The following MRTFB variants were observed in gnomAD, a reference collection of about 807,000 sequenced individuals.
MRTFB encodes the protein myocardin related transcription factor B, also known as myocardin-related transcription factor B.
MRTFB carries 29 observed loss-of-function variants against 104.2 expected under a neutral mutation model. That is an observed-to-expected ratio of 0.28 (90% CI 0.21 to 0.38). The LOEUF is 0.38. MRTFB is among the 10% of genes least tolerant of loss of function. The pLI is 1.00. For missense variants in MRTFB, 1,270 were observed against 1,341.6 expected (o/e 0.95, Z 0.83); for synonymous variants, 535 against 519.5 (o/e 1.03, Z -0.41).
intron 2 of MRTFB, among the ~76,000 whole-genome samples, chr16:14,084,999 G>A (rs2034613354): frequency 6.6e-6 from 1 of 152,032 alleles, no homozygotes; most frequent in Non-Finnish European, 1.5e-5. Flanking sequence ...ATTAAAATAA[G>A]AAAAAATTAG....
At chr16:14,227,964 A>C (rs1597313712) in intron 8 of MRTFB, among the ~76,000 whole-genome samples, 1 of 152,148 alleles carries the variant, frequency 6.6e-6, no homozygotes. Flanking sequence ...AAAAAAAAAA[A>C]AAACAGGCAA....
At chr16:14,217,607 G>A (rs149411335) in intron 7 of MRTFB, among the ~76,000 whole-genome samples, 69 of 152,302 alleles carry the variant, frequency 4.5e-4, no homozygotes, top group African/African-American at 1.5e-3. Context: ...ACTACAAATT[G>A]CCTAAGCTTT....
chr16:14,240,203 T>C, intron 9 of MRTFB, 34 bp from the exon 10 acceptor site: 1 of 1,547,196 alleles, frequency 6.5e-7, no homozygotes, highest in Non-Finnish European at 8.7e-7. Flanking sequence ...TGGTGACATC[T>C]CTTTAAATGT....
intron 3 of MRTFB, chr16:14,141,244 T>G (rs1039455598): frequency 1.3e-5 from 2 of 153,022 alleles, no homozygotes; most frequent in African/African-American, 4.8e-5. Context: ...AGTCATATTC[T>G]CAGTCTTTGG....
the MRTFB span, among the ~76,000 whole-genome samples, chr16:14,064,308 A>G: frequency 6.6e-6 from 1 of 152,062 alleles, no homozygotes; most frequent in Non-Finnish European, 1.5e-5. Flanking sequence ...TCCATTGCCC[A>G]CTTTTTAATG....
chr16:14,048,909 T>G, the MRTFB span, among the ~76,000 whole-genome samples: 2 of 152,292 alleles, frequency 1.3e-5, no homozygotes, highest in South Asian at 4.2e-4. Flanking sequence ...AAACATTGGT[T>G]GGGTTGAACT....
rs202054624 is a variant in MRTFB, at chr16:14,244,470, C to CA, written c.1080-1055dup. ...CTTTAGTACTACGAAAGAAAAGTTT[C>CA]AAAGAAAAGATGTTTTTCTTTAGTA... On this transcript the variant is annotated intron_variant, in intron 10 of 16. Transcript: ENST00000571589. Among the ~76,000 whole-genome samples, 1,102 of 152,242 alleles carry CA rather than the reference C, an allele frequency of 7.2e-3. 14 individuals carry two copies. The highest frequency in any genetic ancestry group is 0.025 in the African/African-American group (1,049 of 41,538).
At position 14,212,244 on chromosome 16, in the gene MRTFB, G is replaced by A. The variant is rs548181793; in HGVS notation, c.221-110G>A. On this transcript the variant is annotated intron_variant, in intron 4 of 16. Coordinates refer to ENST00000571589, the MANE Select transcript of MRTFB (RefSeq NM_001308142.2). ...TCCTAATGGAACTGGTAAATTAATG[G>A]AACTGTAGTTGTGATCTGTTAATAA... is the stretch of plus-strand genomic sequence containing the variant. The A allele has an allele frequency of 1.6e-5, 16 of 1,006,170 alleles. No homozygotes were observed. The African/African-American group carries it at 2.6e-4, about 16-fold the overall frequency. 62.3% of individuals were successfully genotyped at this position (1,006,170 alleles called of 1,614,324 possible). A position where few individuals can be genotyped will look rare whatever the true frequency, so the allele number is the denominator to read the frequency against.
chr16:14,184,391 T>C (rs2039874580), intron 3 of MRTFB, among the ~76,000 whole-genome samples: 1 of 152,024 alleles, frequency 6.6e-6, no homozygotes, highest in Non-Finnish European at 1.5e-5. Context: ...CCCAGCTAAT[T>C]TTTGTATCTT....
the MRTFB span, among the ~76,000 whole-genome samples, chr16:14,034,791 A>G: frequency 6.6e-6 from 1 of 152,122 alleles, no homozygotes; most frequent in Non-Finnish European, 1.5e-5. Context: ...TCCAAATACC[A>G]TCCATTCACA....
intron 3 of MRTFB, among the ~76,000 whole-genome samples, chr16:14,195,759 C>G (rs2040405574): frequency 6.6e-6 from 1 of 152,212 alleles, no homozygotes; most frequent in South Asian, 2.1e-4. Context: ...AGCACTAGCT[C>G]TACCTATAGC....
At chr16:14,196,498 A>C (rs1029521743) in intron 3 of MRTFB, among the ~76,000 whole-genome samples, 7 of 152,240 alleles carry the variant, frequency 4.6e-5, no homozygotes, top group African/African-American at 1.7e-4. Flanking sequence ...TGTATACTTA[A>C]TAAGAATGCA....
At chr16:14,005,344 G>A in the MRTFB span, among the ~76,000 whole-genome samples, 9 of 152,234 alleles carry the variant, frequency 5.9e-5, no homozygotes, top group Admixed American at 5.2e-4. Context: ...ATTGATGGCC[G>A]ATCACACACC....
At chr16:14,179,199 T>C (rs1375338327) in intron 3 of MRTFB, among the ~76,000 whole-genome samples, 1 of 152,218 alleles carries the variant, frequency 6.6e-6, no homozygotes, top group Non-Finnish European at 1.5e-5. Context: ...AAAATAAATA[T>C]TAACTTACTG....
chr16:14,063,672 T>C, the MRTFB span, among the ~76,000 whole-genome samples: 28 of 152,302 alleles, frequency 1.8e-4, no homozygotes, highest in African/African-American at 6.0e-4. Flanking sequence ...ACCATTCCTG[T>C]TGGTCAATCT....
chr16:14,035,897 G>A, the MRTFB span, among the ~76,000 whole-genome samples: 3 of 151,170 alleles, frequency 2.0e-5, no homozygotes, highest in African/African-American at 7.3e-5. Context: ...TTCCCTCTGA[G>A]TCCCCAAGGC....
At chr16:14,258,078 A>G in intron 15 of MRTFB, 23 bp from the exon 16 acceptor site, 1 of 1,609,170 alleles carries the variant, frequency 6.2e-7, no homozygotes, top group Non-Finnish European at 8.5e-7. Context: ...AAGAAACCTA[A>G]TTTGTACTCT....
chr16:14,228,318 T>TG (rs2042100721), intron 8 of MRTFB, among the ~76,000 whole-genome samples: 5 of 152,232 alleles, frequency 3.3e-5, no homozygotes, highest in Admixed American at 6.5e-5. Context: ...GGCTTACACT[T>TG]GTGATCCCAG....
At chr16:14,164,225 C>G (rs1877670136) in intron 3 of MRTFB, among the ~76,000 whole-genome samples, 1 of 152,202 alleles carries the variant, frequency 6.6e-6, no homozygotes, top group Non-Finnish European at 1.5e-5. Flanking sequence ...CACTGCCACA[C>G]CCTTCTCAGC....
Sources: gnomAD v4.1 joint callset for allele counts (sites outside exome capture counted in the v4.1 genomes callset) on GRCh38, gnomAD v4.1.1 for gene constraint, MANE v1.5 for transcripts, NCBI Gene and HGNC (gene_info 2026-07-23, HGNC 2026-07-21) for gene names.